KIF6: variants seen among roughly 807,000 people sequenced by gnomAD.
KIF6 encodes kinesin family member 6.
Under a neutral mutation model 112.7 loss-of-function variants are expected in KIF6, and 106 were observed. The observed-to-expected ratio is 0.94, with a 90% CI of 0.80 to 1.11. KIF6 has a LOEUF of 1.11. KIF6 is among the 50% of genes least tolerant of loss of function. The pLI, the probability that KIF6 is intolerant of heterozygous loss-of-function variation, is 0.00. For missense variants in KIF6, 929 were observed against 964.0 expected (o/e 0.96, Z 0.48); for synonymous variants, 339 against 339.9 (o/e 1.00, Z 0.03).
chr6:39,346,132 C>CTCTCTCTCTCTCTCTCT (rs1763766405), intron 20 of KIF6, among the ~76,000 whole-genome samples: 5 of 26,936 alleles, frequency 1.9e-4, no homozygotes, highest in Non-Finnish European at 2.2e-4. Context: ...CCTCCCTCTC[C>CTCTCTCTCTCTCTCTCT]CTCTCTCTCT....
intron 13 of KIF6, among the ~76,000 whole-genome samples, chr6:39,503,052 A>G (rs1776221589): frequency 6.6e-6 from 1 of 152,194 alleles, no homozygotes; most frequent in Admixed American, 6.5e-5. Context: ...TCTAATTGCC[A>G]CACAGCACTT....
chr6:39,627,480 CA>C (rs1784151676), intron 5 of KIF6, among the ~76,000 whole-genome samples: 1 of 152,182 alleles, frequency 6.6e-6, no homozygotes, highest in African/African-American at 2.4e-5. Flanking sequence ...TGGGTCTCAA[CA>C]AATGTTTGCT....
At chr6:39,422,913 T>G (rs1770477649) in intron 14 of KIF6, among the ~76,000 whole-genome samples, 1 of 152,204 alleles carries the variant, frequency 6.6e-6, no homozygotes, top group Non-Finnish European at 1.5e-5. Context: ...GCCAAGGGTA[T>G]GCTGCACCCC....
At chr6:39,632,183 A>G (rs200122955) in intron 5 of KIF6, among the ~76,000 whole-genome samples, 1 of 38,220 alleles carries the variant, frequency 2.6e-5, no homozygotes, top group East Asian at 5.6e-4. Context: ...AATGTAAAAG[A>G]AAAAAAAAAT....
At chr6:39,377,322 T>G (rs1766516867) in intron 16 of KIF6, among the ~76,000 whole-genome samples, 1 of 152,172 alleles carries the variant, frequency 6.6e-6, no homozygotes, top group Admixed American at 6.5e-5. Context: ...GTGCTGAGAT[T>G]ACAGGTATGA....
intron 22 of KIF6, among the ~76,000 whole-genome samples, chr6:39,337,182 T>TCTTTCTTTCTTC (rs1562102566): frequency 1.2e-5 from 1 of 85,440 alleles, no homozygotes; most frequent in Non-Finnish European, 2.0e-5. Flanking sequence ...CTTCTTTCTT[T>TCTTTCTTTCTTC]CTTTCTTTCT....
chr6:39,546,230 T>C (rs1388854899), intron 10 of KIF6, among the ~76,000 whole-genome samples: 1 of 152,166 alleles, frequency 6.6e-6, no homozygotes, highest in Non-Finnish European at 1.5e-5. Context: ...CAGACTCCTT[T>C]GTTTCCTCCT....
At chr6:39,448,250 C>T (rs1209590297) in intron 13 of KIF6, among the ~76,000 whole-genome samples, 1 of 152,136 alleles carries the variant, frequency 6.6e-6, no homozygotes, top group Non-Finnish European at 1.5e-5. Context: ...TCTTGGCTCA[C>T]TGCAACCTCC....
intron 13 of KIF6, among the ~76,000 whole-genome samples, chr6:39,478,800 G>A (rs939957277): frequency 6.6e-6 from 1 of 150,444 alleles, no homozygotes; most frequent in South Asian, 2.1e-4. Context: ...CCATTCTTAC[G>A]GGAGTGAGTT....
chr6:39,628,245 CGT>C (rs140599243), intron 5 of KIF6, among the ~76,000 whole-genome samples: 332 of 148,910 alleles, frequency 2.2e-3, no homozygotes, highest in African/African-American at 6.4e-3. Context: ...TACTCATTTA[CGT>C]GTGTGTGTGT....
At chr6:39,519,060 G>A (rs1777226843) in intron 13 of KIF6, among the ~76,000 whole-genome samples, 1 of 152,136 alleles carries the variant, frequency 6.6e-6, no homozygotes, top group Admixed American at 6.5e-5. Flanking sequence ...GAAGATACTA[G>A]GTGTGGCTGC....
intron 13 of KIF6, among the ~76,000 whole-genome samples, chr6:39,442,128 G>C (rs1051336192): frequency 6.6e-6 from 1 of 152,158 alleles, no homozygotes; most frequent in African/African-American, 2.4e-5. Context: ...AGACCACGCG[G>C]GCTGGGTGGA....
At chr6:39,442,783 T>C (rs1772000163) in intron 13 of KIF6, among the ~76,000 whole-genome samples, 2 of 152,142 alleles carry the variant, frequency 1.3e-5, no homozygotes, top group African/African-American at 4.8e-5. Flanking sequence ...GACAGCTCCC[T>C]GAACGGAAAG....
intron 13 of KIF6, among the ~76,000 whole-genome samples, chr6:39,441,468 C>A (rs1771919602): frequency 6.6e-6 from 1 of 152,274 alleles, no homozygotes; most frequent in Non-Finnish European, 1.5e-5. Flanking sequence ...ATGTGTGTAT[C>A]ACTGAGGAGC....
At chr6:39,622,199 C>T (rs1388140817) in intron 5 of KIF6, among the ~76,000 whole-genome samples, 2 of 151,498 alleles carry the variant, frequency 1.3e-5, no homozygotes, top group African/African-American at 2.4e-5. Context: ...GAAATTGAAC[C>T]TATTTCCAAC....
intron 6 of KIF6, among the ~76,000 whole-genome samples, chr6:39,596,557 A>G (rs890209689): frequency 6.6e-6 from 1 of 152,228 alleles, no homozygotes; most frequent in African/African-American, 2.4e-5. Flanking sequence ...TCTATAATCC[A>G]TGCATTAACC....
intron 7 of KIF6, among the ~76,000 whole-genome samples, chr6:39,590,985 GC>G (rs1781923166): frequency 6.6e-6 from 1 of 152,134 alleles, no homozygotes; most frequent in African/African-American, 2.4e-5. Flanking sequence ...TCTTCTTGCG[GC>G]CCCACAATGG....
At chr6:39,607,843 C>A (rs1277709367) in intron 6 of KIF6, among the ~76,000 whole-genome samples, 1 of 152,186 alleles carries the variant, frequency 6.6e-6, no homozygotes, top group Non-Finnish European at 1.5e-5. Flanking sequence ...ATATAACTAA[C>A]ATATCTTTCA....
intron 5 of KIF6, among the ~76,000 whole-genome samples, chr6:39,616,635 T>G: frequency 6.6e-6 from 1 of 152,136 alleles, no homozygotes; most frequent in Non-Finnish European, 1.5e-5. Flanking sequence ...CCCTTGGGCA[T>G]GATGCTTTGG....
Sources: allele counts gnomAD v4.1 joint callset (sites outside exome capture counted in the v4.1 genomes callset), GRCh38; gene constraint gnomAD v4.1.1; transcripts MANE v1.5; gene names NCBI Gene and HGNC (gene_info 2026-07-23, HGNC 2026-07-21).